UFSP2: variants seen among roughly 807,000 people sequenced by gnomAD.
UFSP2 encodes ufm1-specific protease 2.
UFSP2 carries 43 observed loss-of-function variants against 60.2 expected under a neutral mutation model. That is an observed-to-expected ratio of 0.71 (90% confidence interval 0.56 to 0.92). The LOEUF is 0.92. Among genes scored for constraint, UFSP2 ranks in the 40% least tolerant of loss-of-function variants. The pLI is 0.00. For missense variants in UFSP2, 520 were observed against 575.0 expected (o/e 0.90, Z 0.98); for synonymous variants, 183 against 195.1 (o/e 0.94, Z 0.52).
chr4:185,413,768 A>T lies in UFSP2; in HGVS notation c.789T>A (p.Asn263Lys), dbSNP rs757889147. The T allele has an allele frequency of 6.2e-7, 1 of 1,613,492 alleles. No individual in the cohort carries two copies. The highest frequency in any genetic ancestry group is 2.2e-5 in the East Asian group (1 of 44,760). The stretch of plus-strand genomic sequence containing the variant: ...TAGGTGGATTAAGGTAAGTATGTGG[A>T]TTTCTAATGTAACCATCTTTGTATG... ...DEPYKDGYIR[N>K]PHTYLNPPNM... Residue 263 changes from asparagine to lysine, a missense_variant, in exon 7 of 12, where the codon AAT (asparagine) becomes AAA (lysine). Transcript: ENST00000264689.
chr4:185,419,155 G>A (rs1256780110), intron 2 of UFSP2, among the ~76,000 whole-genome samples: 1 of 150,142 alleles, frequency 6.7e-6, no homozygotes, highest in Non-Finnish European at 1.5e-5. Context: ...TTTTTGAGAT[G>A]GAGTCTCGCT....
chr4:185,401,787 A>G (rs2095513524), intron 11 of UFSP2, among the ~76,000 whole-genome samples: 1 of 152,236 alleles, frequency 6.6e-6, no homozygotes, highest in South Asian at 2.1e-4. Flanking sequence ...ATTCTCAGAG[A>G]AAGAAATCAG....
In UFSP2 at chr4:185,399,726, A is replaced by G. The variant is rs4631093; in HGVS notation, c.*666T>C. The G allele has an allele frequency of 0.048, 76,722 of 1,614,028 alleles. 2,699 individuals carry two copies. Among genetic ancestry groups the G allele is most frequent in the African/African-American group, 0.15 (10,995 of 75,002 alleles). ...ATTGTGTTGCCGTGCTCAGACAGAAACGGAGTCTCGGAAGTGTAGAAAATA... is the reference window on the plus strand; with the variant it reads ...ATTGTGTTGCCGTGCTCAGACAGAAGCGGAGTCTCGGAAGTGTAGAAAATA... On this transcript the variant is annotated 3_prime_UTR_variant, in exon 12 of 12. Transcript: ENST00000264689.
Position 185,415,876 on chromosome 4 carries a change from A to G in UFSP2, c.334-9T>C. 6.2e-7 allele frequency: 1 copy of G among 1,600,578 alleles called. No individual in the cohort carries two copies. Among genetic ancestry groups the G allele is most frequent in the East Asian group, 2.2e-5 (1 of 44,630 alleles). On this transcript the variant is annotated splice_polypyrimidine_tract_variant and intron_variant, in intron 4 of 11. Transcript: ENST00000264689. ...ATATTTACTATTTGATGCTATATAG[A>G]TAAACAGTAATAGTCAACTTGTAGT...
chr4:185,424,965 G>A (rs2095556575), intron 1 of UFSP2, among the ~76,000 whole-genome samples: 1 of 152,202 alleles, frequency 6.6e-6, no homozygotes, highest in Non-Finnish European at 1.5e-5. Flanking sequence ...TCTGAAGGGT[G>A]AGTGAAGGTG....
At chr4:185,418,879 C>T (rs1362964200) in intron 2 of UFSP2, 109 bp from the exon 3 acceptor site, 2 of 814,582 alleles carry the variant, frequency 2.5e-6, no homozygotes, top group Non-Finnish European at 3.5e-6. Context: ...TACCTATTCC[C>T]CATATTCAAT....
intron 4 of UFSP2, among the ~76,000 whole-genome samples, chr4:185,417,546 G>A (rs1202239120): frequency 6.6e-6 from 1 of 152,144 alleles, no homozygotes; most frequent in Non-Finnish European, 1.5e-5. Context: ...CATAGCTAGT[G>A]GTTTAGTTAG....
intron 11 of UFSP2, among the ~76,000 whole-genome samples, chr4:185,401,254 A>C (rs1020327560): frequency 5.3e-5 from 8 of 152,230 alleles, no homozygotes; most frequent in Non-Finnish European, 1.2e-4. Context: ...AGATAAAAGT[A>C]AAAAATCCTC....
intron 1 of UFSP2, among the ~76,000 whole-genome samples, chr4:185,424,113 G>A (rs1386437818): frequency 6.7e-5 from 10 of 149,188 alleles, no homozygotes; most frequent in Non-Finnish European, 1.0e-4. Context: ...ACCAGACTGG[G>A]CAACATAGGA....
chr4:185,417,503 T>C (rs2095540761), intron 4 of UFSP2, among the ~76,000 whole-genome samples: 1 of 152,204 alleles, frequency 6.6e-6, no homozygotes, highest in Non-Finnish European at 1.5e-5. Context: ...TATCCCTAAA[T>C]ATCTCTTGTA....
At chr4:185,417,516 C>T (rs2153290428) in intron 4 of UFSP2, among the ~76,000 whole-genome samples, 1 of 152,242 alleles carries the variant, frequency 6.6e-6, no homozygotes, top group Non-Finnish European at 1.5e-5. Context: ...CTCTTGTATG[C>T]AATCCCTCTT....
chr4:185,414,142 T>A (rs2095534326), intron 6 of UFSP2, among the ~76,000 whole-genome samples: 1 of 152,214 alleles, frequency 6.6e-6, no homozygotes, highest in South Asian at 2.1e-4. Flanking sequence ...AACTAATTTT[T>A]AAATAATTAT....
intron 1 of UFSP2, among the ~76,000 whole-genome samples, chr4:185,424,979 T>C (rs1215920479): frequency 2.6e-5 from 4 of 152,170 alleles, no homozygotes; most frequent in East Asian, 3.9e-4. Context: ...GAAGGTGCAA[T>C]AGCCCATTCC....
chr4:185,408,146 C>G, intron 8 of UFSP2, 86 bp from the exon 9 acceptor site: 1 of 1,546,270 alleles, frequency 6.5e-7, no homozygotes, highest in East Asian at 2.3e-5. Flanking sequence ...ATTACCAGTA[C>G]AAGAATTTTT....
In UFSP2 at chr4:185,400,478, C is replaced by CCTGGATAGA; in HGVS notation, c.1324-9_1324-1dup (p.Lys441_Gly442insSerIleGln). 1.2e-6 allele frequency: 2 copies of CCTGGATAGA among 1,611,216 alleles called. No homozygotes were observed. Among genetic ancestry groups the CCTGGATAGA allele is most frequent in the Non-Finnish European group, 8.5e-7 (1 of 1,178,274 alleles). ...TCTGGGCCCTTCCATCCGCACCAGC[C>CCTGGATAGA]CTGGATAGAGAAGACGGGAAAGGAA... On this transcript the variant is annotated inframe_insertion and splice_region_variant. Coordinates refer to ENST00000264689, the MANE Select transcript of UFSP2 (RefSeq NM_018359.5).
At position 185,408,013 on chromosome 4, in the gene UFSP2, C is replaced by T. The variant is rs889796764; in HGVS notation, c.1044G>A (p.Arg348=). Residue 348 remains arginine (R), a synonymous_variant, in exon 9 of 12, where the codon CGG becomes CGA. Transcript: ENST00000264689. ...GDKPATFVGS[R]QWIGSIEVQL... is the part of the protein sequence containing the mutation. ...GCACCTCAATAGATCCAATCCATTG[C>T]CGCGATCCGACAAATGTTGCTGGTT... 13 of 1,613,762 alleles carry T rather than the reference C, an allele frequency of 8.1e-6. No individual in the cohort carries two copies. The East Asian group carries it at 1.1e-4, about 14-fold the overall frequency.
At chr4:185,418,229 A>G (rs1178406160) in intron 4 of UFSP2, among the ~76,000 whole-genome samples, 2 of 152,256 alleles carry the variant, frequency 1.3e-5, no homozygotes, top group Non-Finnish European at 2.9e-5. Flanking sequence ...AGAAAGCATT[A>G]TAAAAAAACC....
At chr4:185,421,724 C>G (rs1355288250) in intron 2 of UFSP2, among the ~76,000 whole-genome samples, 1 of 152,204 alleles carries the variant, frequency 6.6e-6, no homozygotes, top group Admixed American at 6.5e-5. Context: ...GCAAAACAGA[C>G]TAATACAGTA....
intron 1 of UFSP2, among the ~76,000 whole-genome samples, chr4:185,424,328 C>T (rs965383185): frequency 1.3e-5 from 2 of 151,954 alleles, no homozygotes; most frequent in African/African-American, 2.4e-5. Flanking sequence ...TAAAATAAAA[C>T]AAAAACATGT....
Sources: gnomAD v4.1 joint callset for allele counts (sites outside exome capture counted in the v4.1 genomes callset) on GRCh38, gnomAD v4.1.1 for gene constraint, MANE v1.5 for transcripts, NCBI Gene and HGNC (gene_info 2026-07-23, HGNC 2026-07-21) for gene names.